The following MNAT1 variants were observed in gnomAD, a reference collection of about 807,000 sequenced individuals.
MNAT1 encodes the protein CDK-activating kinase assembly factor MAT1.
MNAT1 carries 43 observed loss-of-function variants against 42.0 expected under a neutral mutation model. The ratio of observed to expected loss-of-function variants is 1.02; its 90% CI spans 0.80 to 1.32. MNAT1 has a LOEUF of 1.32. Ranked by LOEUF, MNAT1 falls within the 40% of genes most tolerant of loss-of-function variation. The pLI is 0.00. For synonymous variants in MNAT1, 118 were observed against 120.0 expected (o/e 0.98, Z 0.11); for missense variants, 306 against 350.4 (o/e 0.87, Z 1.01).
At chr14:60,848,462 C>T (rs2033734858) in intron 6 of MNAT1, among the ~76,000 whole-genome samples, 1 of 152,124 alleles carries the variant, frequency 6.6e-6, no homozygotes, top group African/African-American at 2.4e-5. Context: ...AAAATAGTTA[C>T]AGCCTGAATT....
At chr14:60,757,369 A>C (rs2140297445) in intron 1 of MNAT1, among the ~76,000 whole-genome samples, 1 of 152,216 alleles carries the variant, frequency 6.6e-6, no homozygotes, top group Non-Finnish European at 1.5e-5. Flanking sequence ...CAGATTTTGC[A>C]GTATTTTAGT....
chr14:60,818,373 A>T lies in MNAT1; in HGVS notation c.562-349A>T, dbSNP rs565746959. 3.5e-4 allele frequency among the ~76,000 whole-genome samples: 53 copies of T among 152,186 alleles called. No homozygotes were observed. The South Asian group carries it at 0.011, about 30-fold the overall frequency. On this transcript the variant is annotated intron_variant, in intron 5 of 7. Coordinates refer to ENST00000261245, the MANE Select transcript of MNAT1 (RefSeq NM_002431.4). ...CTGGTCTAAATTTACTGGTAAAAAG[A>T]ATGCGTCTTAGATAAACATCTGATC...
chr14:60,774,924 C>G (rs1442404231), intron 1 of MNAT1, among the ~76,000 whole-genome samples: 3 of 152,048 alleles, frequency 2.0e-5, no homozygotes, highest in Non-Finnish European at 4.4e-5. Flanking sequence ...GGAGTCAAAA[C>G]TTGTCATGTT....
At chr14:60,867,191 T>A (rs2034221271) in intron 6 of MNAT1, among the ~76,000 whole-genome samples, 1 of 152,118 alleles carries the variant, frequency 6.6e-6, no homozygotes, top group Non-Finnish European at 1.5e-5. Context: ...GAAATTTGTC[T>A]TTGATGTTTT....
chr14:60,892,625 A>G (rs2034870351), intron 7 of MNAT1, among the ~76,000 whole-genome samples: 2 of 152,210 alleles, frequency 1.3e-5, no homozygotes, highest in South Asian at 2.1e-4. Flanking sequence ...ATGGTCTTCC[A>G]TCATTTTTTA....
At chr14:60,924,432 C>A (rs1009867390) in intron 7 of MNAT1, among the ~76,000 whole-genome samples, 1 of 143,344 alleles carries the variant, frequency 7.0e-6, no homozygotes, top group Non-Finnish European at 1.5e-5. Flanking sequence ...AATAGCAAAA[C>A]TGTGATATAG....
intron 1 of MNAT1, among the ~76,000 whole-genome samples, chr14:60,762,976 T>C (rs932896442): frequency 3.3e-5 from 5 of 152,148 alleles, no homozygotes; most frequent in Non-Finnish European, 5.9e-5. Context: ...GTATGGACTT[T>C]AAAGCCAAAA....
chr14:60,831,349 C>T (rs2033209817), intron 6 of MNAT1, among the ~76,000 whole-genome samples: 1 of 152,052 alleles, frequency 6.6e-6, no homozygotes, highest in Admixed American at 6.6e-5. Context: ...CCCAGCAGGC[C>T]CTGGTGTGTG....
At chr14:60,765,458 A>G (rs1399900369) in intron 1 of MNAT1, among the ~76,000 whole-genome samples, 1 of 152,216 alleles carries the variant, frequency 6.6e-6, no homozygotes, top group African/African-American at 2.4e-5. Flanking sequence ...CCACCATGGC[A>G]TGTGTATACT....
At chr14:60,776,975 G>A (rs1215209579) in intron 1 of MNAT1, among the ~76,000 whole-genome samples, 4 of 152,018 alleles carry the variant, frequency 2.6e-5, no homozygotes, top group Non-Finnish European at 5.9e-5. Flanking sequence ...AGCCTCCTGA[G>A]TAGCTGGGAT....
chr14:60,862,605 C>T (rs1412539516), intron 6 of MNAT1, among the ~76,000 whole-genome samples: 1 of 152,152 alleles, frequency 6.6e-6, no homozygotes, highest in Non-Finnish European at 1.5e-5. Context: ...AGGGCATGTA[C>T]AGTTGAATGA....
intron 6 of MNAT1, among the ~76,000 whole-genome samples, chr14:60,827,039 C>T (rs1013670): frequency 0.94 from 142,735 of 152,276 alleles, 67,282 homozygotes; most frequent in Non-Finnish European, 0.99. Context: ...TTCTATTTTG[C>T]TTGTTTGCAA....
intron 2 of MNAT1, among the ~76,000 whole-genome samples, chr14:60,797,193 C>T (rs1475506169): frequency 6.6e-6 from 1 of 152,156 alleles, no homozygotes; most frequent in Non-Finnish European, 1.5e-5. Flanking sequence ...TTTCTAGGTA[C>T]ATAACCAATA....
rs189033331 is a variant in MNAT1 at position 60,758,313 on chromosome 14, C to A, written c.89+23362C>A. On this transcript the variant is annotated intron_variant, in intron 1 of 7. Transcript: ENST00000261245. ...CCTTGACTTCAGGGCTCAAGCAATCCTCTCATGTCAGCCTCCTCAGTAGCA... is the reference window on the plus strand; with the variant it reads ...CCTTGACTTCAGGGCTCAAGCAATCATCTCATGTCAGCCTCCTCAGTAGCA... Among the ~76,000 whole-genome samples the A allele has an allele frequency of 4.0e-5, 6 of 151,838 alleles. 1 individual carries two copies. In the East Asian group the frequency reaches 7.7e-4, roughly 20 times the overall value.
chr14:60,890,062 A>T (rs996418557), intron 7 of MNAT1, among the ~76,000 whole-genome samples: 3 of 152,196 alleles, frequency 2.0e-5, no homozygotes, highest in Admixed American at 6.5e-5. Context: ...AGGGATCTAG[A>T]AGTAGAAATA....
At chr14:60,775,517 G>A (rs187097470) in intron 1 of MNAT1, among the ~76,000 whole-genome samples, 9 of 152,280 alleles carry the variant, frequency 5.9e-5, no homozygotes, top group African/African-American at 2.2e-4. Context: ...ATTAAGGTAT[G>A]CTTGCATTCC....
At position 60,812,102 on chromosome 14, in the gene MNAT1, ATAAGCAGGCTTT is replaced by A. The variant is rs777744907; in HGVS notation, c.538_549del (p.Lys180_Phe183del). ...CTGCAGCAGATTCTAAAAAGGAAGA[ATAAGCAGGCTTT>A]TTTAGATGAGCTGGTATGTATTAAT... is the stretch of plus-strand genomic sequence containing the variant. On this transcript the variant is annotated inframe_deletion, in exon 5 of 8. Transcript: ENST00000261245. 6.3e-7 allele frequency: 1 copy of A among 1,585,832 alleles called. No homozygotes were observed. The highest frequency in any genetic ancestry group is 2.3e-5 in the East Asian group (1 of 44,422).
intron 6 of MNAT1, among the ~76,000 whole-genome samples, chr14:60,835,467 C>G (rs1177820450): frequency 6.6e-6 from 1 of 152,166 alleles, no homozygotes; most frequent in African/African-American, 2.4e-5. Context: ...ATTTGCTTCT[C>G]TGTAAAGGAT....
intron 6 of MNAT1, among the ~76,000 whole-genome samples, chr14:60,847,591 G>A (rs762514955): frequency 6.6e-5 from 10 of 152,078 alleles, no homozygotes; most frequent in South Asian, 2.1e-4. Flanking sequence ...AGCTATTTAC[G>A]TTTAATGTTT....
Sources: allele counts gnomAD v4.1 joint callset (sites outside exome capture counted in the v4.1 genomes callset), GRCh38; gene constraint gnomAD v4.1.1; transcripts MANE v1.5; gene names NCBI Gene and HGNC (gene_info 2026-07-23, HGNC 2026-07-21).